The following SDCBP variants were observed in gnomAD, a reference collection of about 807,000 sequenced individuals.
SDCBP encodes the protein syndecan binding protein.
A neutral mutation model predicts 30.5 loss-of-function variants in SDCBP; 22 were observed. The ratio of observed to expected loss-of-function variants is 0.72; its 90% CI spans 0.52 to 1.03. The LOEUF (loss-of-function observed/expected upper bound fraction) is 1.03. Among genes scored for constraint, SDCBP ranks in the 50% least tolerant of loss-of-function variants. The pLI, the probability that SDCBP is intolerant of heterozygous loss-of-function variation, is 0.00. For missense variants in SDCBP, 304 were observed against 369.9 expected, an observed-to-expected ratio of 0.82 and a Z score of 1.46; for synonymous variants, 103 against 118.7, an observed-to-expected ratio of 0.87 and a Z score of 0.86.
chr8:58,580,463 T>C (rs1368223624), intron 7 of SDCBP, 54 bp from the exon 8 acceptor site: 3 of 880,298 alleles, frequency 3.4e-6, no homozygotes, highest in Non-Finnish European at 5.7e-6. Flanking sequence ...CATAGTTTTG[T>C]ATTTATTAAA....
intron 2 of SDCBP, 138 bp downstream of exon 2, chr8:58,565,222 A>G (rs1479257011): frequency 1.9e-5 from 8 of 420,668 alleles, no homozygotes; most frequent in Non-Finnish European, 3.4e-5. Context: ...TAGTTTTATT[A>G]ATTGCAGACT....
chr8:58,573,396 A>C (rs1307045966), intron 4 of SDCBP, among the ~76,000 whole-genome samples: 3 of 152,202 alleles, frequency 2.0e-5, no homozygotes, highest in Non-Finnish European at 4.4e-5. Flanking sequence ...TAGGTATTTT[A>C]AGAGGTTGAA....
intron 1 of SDCBP, chr8:58,560,772 C>CT (rs1804392806): frequency 6.6e-6 from 1 of 152,210 alleles, no homozygotes. Context: ...GGATCTTTCT[C>CT]TGTACAGAGC....
intron 1 of SDCBP, among the ~76,000 whole-genome samples, chr8:58,556,153 G>A (rs970481748): frequency 2.0e-5 from 3 of 152,136 alleles, no homozygotes; most frequent in Admixed American, 6.5e-5. Flanking sequence ...TTAATACAGC[G>A]GTTCCCGACA....
At chr8:58,578,676 T>C (rs532102239) in intron 6 of SDCBP, among the ~76,000 whole-genome samples, 1 of 152,326 alleles carries the variant, frequency 6.6e-6, no homozygotes, top group Admixed American at 6.5e-5. Context: ...AGCTCATTCA[T>C]TTAGAACTTA....
intron 1 of SDCBP, among the ~76,000 whole-genome samples, chr8:58,555,619 T>C (rs2129607112): frequency 6.6e-6 from 1 of 152,308 alleles, no homozygotes; most frequent in East Asian, 1.9e-4. Flanking sequence ...GCTCTGATGA[T>C]TAGCCAGATT....
At chr8:58,566,545 G>A (rs991469586) in intron 2 of SDCBP, among the ~76,000 whole-genome samples, 10 of 152,316 alleles carry the variant, frequency 6.6e-5, no homozygotes, top group Middle Eastern at 3.4e-3. Flanking sequence ...AACGTTTTAT[G>A]TTCAGAGCAG....
chr8:58,573,699 AG>A (rs1805165811), intron 4 of SDCBP, among the ~76,000 whole-genome samples: 1 of 152,216 alleles, frequency 6.6e-6, no homozygotes, highest in African/African-American at 2.4e-5. Flanking sequence ...GGAGGCACAC[AG>A]GAAGGAATGA....
chr8:58,573,563 A>T (rs1316648713), intron 4 of SDCBP, among the ~76,000 whole-genome samples: 1 of 152,152 alleles, frequency 6.6e-6, no homozygotes, highest in Non-Finnish European at 1.5e-5. Flanking sequence ...GGATGAGGGG[A>T]CACTACTAGT....
At chr8:58,561,925 G>A (rs1044885605) in intron 1 of SDCBP, 35 of 515,386 alleles carry the variant, frequency 6.8e-5, no homozygotes, top group Non-Finnish European at 1.2e-4. Flanking sequence ...GTATGGGGAT[G>A]GATGAGAAGA....
chr8:58,560,368 C>G (rs1317566132), intron 1 of SDCBP: 1 of 152,350 alleles, frequency 6.6e-6, no homozygotes, highest in African/African-American at 2.4e-5. Context: ...TACAGCTCAG[C>G]AGCTTGTCCC....
chr8:58,571,404 C>CTT (rs1585698572), intron 3 of SDCBP, among the ~76,000 whole-genome samples: 1 of 152,134 alleles, frequency 6.6e-6, no homozygotes, highest in Non-Finnish European at 1.5e-5. Context: ...ATCTTAAGGC[C>CTT]TTTATTCATT....
At chr8:58,578,901 CAG>C in intron 6 of SDCBP, among the ~76,000 whole-genome samples, 1 of 152,134 alleles carries the variant, frequency 6.6e-6, no homozygotes, top group East Asian at 1.9e-4. Context: ...TCTATCTAAG[CAG>C]AGTTTCAAAG....
At chr8:58,575,856 G>T in intron 4 of SDCBP, 44 bp from the exon 5 acceptor site, 1 of 1,475,374 alleles carries the variant, frequency 6.8e-7, no homozygotes, top group South Asian at 1.3e-5. Flanking sequence ...TTTTTTCAAG[G>T]AGAGTGTTTC....
intron 4 of SDCBP, among the ~76,000 whole-genome samples, chr8:58,574,209 A>G (rs1403302907): frequency 1.3e-5 from 2 of 152,192 alleles, no homozygotes; most frequent in South Asian, 2.1e-4. Flanking sequence ...ATTGATTACT[A>G]TATGATACTA....
intron 8 of SDCBP, among the ~76,000 whole-genome samples, chr8:58,581,139 A>G (rs1424078928): frequency 2.0e-5 from 3 of 151,350 alleles, no homozygotes; most frequent in Admixed American, 1.3e-4. Flanking sequence ...AGAGCTTTTC[A>G]TATCCTAGCA....
At chr8:58,554,278 T>C (rs116375470) in intron 1 of SDCBP, among the ~76,000 whole-genome samples, 2,579 of 152,322 alleles carry the variant, frequency 0.017, 34 homozygotes, top group African/African-American at 0.035. Context: ...GAAAAACAAC[T>C]GCGGGCCTTT....
At chr8:58,565,893 T>C (rs965788850) in intron 2 of SDCBP, among the ~76,000 whole-genome samples, 1 of 152,162 alleles carries the variant, frequency 6.6e-6, no homozygotes, top group African/African-American at 2.4e-5. Flanking sequence ...AAACGAAAAC[T>C]CCTTACCCTG....
intron 1 of SDCBP, among the ~76,000 whole-genome samples, chr8:58,562,947 G>A (rs1378721840): frequency 6.6e-6 from 1 of 152,122 alleles, no homozygotes; most frequent in Non-Finnish European, 1.5e-5. Context: ...TCTATGATAT[G>A]GTCTGAATGT....
Sources: allele counts gnomAD v4.1 joint callset (sites outside exome capture counted in the v4.1 genomes callset), GRCh38; gene constraint gnomAD v4.1.1; transcripts MANE v1.5; gene names NCBI Gene and HGNC (gene_info 2026-07-23, HGNC 2026-07-21).